Variants in MYOT observed in about 807,000 individuals in gnomAD.
The protein encoded by MYOT is 57 kDa cytoskeletal protein.
Under a neutral mutation model 58.0 loss-of-function variants are expected in MYOT, and 36 were observed. The ratio of observed to expected loss-of-function variants is 0.62; its 90% CI spans 0.48 to 0.82. MYOT has a LOEUF of 0.82. Ranked by LOEUF, MYOT falls within the 40% of genes least tolerant of loss-of-function variation. The probability of loss-of-function intolerance (pLI) is 0.00; values close to 1 mark genes in which losing one functional copy is unlikely to be tolerated. For synonymous variants in MYOT, 218 were observed against 204.6 expected (o/e 1.07, Z -0.56); for missense variants, 505 against 592.1 (o/e 0.85, Z 1.53).
chr5:137,887,284 C>A lies in MYOT; in HGVS notation c.1396C>A (p.Leu466Ile). Reference protein sequence around the residue: ...VRPTFSKYLALNGKGLNVKQA... With the variant: ...VRPTFSKYLAINGKGLNVKQA... ...ACCAACATTCAGCAAATATTTAGCA[C>A]TTAATGGGAAAGGTTTGAATGTAAA... Residue 466 changes from leucine (L) to isoleucine (I), a missense_variant, in exon 10 of 10, where the codon CTT (leucine) becomes ATT (isoleucine). Coordinates refer to ENST00000239926, the MANE Select transcript of MYOT (RefSeq NM_006790.3). The A allele has an allele frequency of 6.2e-7, 1 of 1,613,978 alleles. No individual in the cohort carries two copies. The highest frequency in any genetic ancestry group is 8.5e-7 in the Non-Finnish European group (1 of 1,179,966).
rs763905230 is a variant in MYOT at position 137,887,554 on chromosome 5, G to C, written c.*169G>C. 2.6e-6 allele frequency: 1 copy of C among 385,130 alleles called. No homozygotes were observed. The highest frequency in any genetic ancestry group is 4.1e-6 in the Non-Finnish European group (1 of 242,564). The allele number at this position is 385,130 out of a possible 1,614,324, so 23.9% of individuals were successfully genotyped here. A position where few individuals can be genotyped will look rare whatever the true frequency, so the allele number is the denominator to read the frequency against. On this transcript the variant is annotated 3_prime_UTR_variant, in exon 10 of 10. Transcript: ENST00000239926. ...ATCCTTTGACTCTTGCACATTCTAT[G>C]TACCCCTCCGATTTGTGAAGCCTAC... is the stretch of plus-strand genomic sequence containing the variant.
chr5:137,881,856 T>C (rs990802246), intron 5 of MYOT, 117 bp from the exon 6 acceptor site: 2 of 1,086,188 alleles, frequency 1.8e-6, no homozygotes, highest in South Asian at 1.3e-5. Flanking sequence ...TACTCCAGCC[T>C]GGGCAACAAG....
At position 137,870,685 on chromosome 5, in the gene MYOT, C is replaced by G. The variant is rs886044376; in HGVS notation, c.34C>G (p.Gln12Glu). The G allele has an allele frequency of 6.2e-7, 1 of 1,614,112 alleles. No individual in the cohort carries two copies. The highest frequency in any genetic ancestry group is 2.2e-5 in the East Asian group (1 of 44,902). ...FNYERPKHFIQSQNPCGSRLQ... is the reference protein window; with the variant it reads ...FNYERPKHFIESQNPCGSRLQ... ...CTACGAACGTCCAAAACACTTCATCCAGTCCCAAAACCCATGTGGCTCCAG... is the reference window on the plus strand; with the variant it reads ...CTACGAACGTCCAAAACACTTCATCGAGTCCCAAAACCCATGTGGCTCCAG... Residue 12 changes from glutamine (Q) to glutamate (E), a missense_variant, in exon 2 of 10, where the codon CAG becomes GAG. Transcript: ENST00000239926.
At chr5:137,871,502 C>G (rs1419147271) in intron 2 of MYOT, among the ~76,000 whole-genome samples, 1 of 152,120 alleles carries the variant, frequency 6.6e-6, no homozygotes, top group African/African-American at 2.4e-5. Flanking sequence ...TGAATATCCA[C>G]TTGGCTGAAA....
intron 2 of MYOT, among the ~76,000 whole-genome samples, chr5:137,872,895 G>C (rs371846744): frequency 9.9e-5 from 15 of 152,132 alleles, no homozygotes; most frequent in African/African-American, 3.6e-4. Context: ...CAATTTTCTG[G>C]TCTGTAGCAA....
At chr5:137,870,059 C>T (rs1272690195) in intron 1 of MYOT, among the ~76,000 whole-genome samples, 1 of 144,136 alleles carries the variant, frequency 6.9e-6, no homozygotes, top group Non-Finnish European at 1.5e-5. Context: ...GGGGCTGAGG[C>T]GGGAGGATTG....
At chr5:137,886,572 G>T (rs952599554) in intron 8 of MYOT, 3 of 354,466 alleles carry the variant, frequency 8.5e-6, no homozygotes, top group Non-Finnish European at 1.0e-5. Flanking sequence ...GTAGGAGACA[G>T]ATAACGGAAC....
intron 7 of MYOT, among the ~76,000 whole-genome samples, chr5:137,884,396 CCTTAGA>C (rs1336998004): frequency 6.6e-6 from 1 of 152,098 alleles, no homozygotes; most frequent in African/African-American, 2.4e-5. Context: ...CAACTTTTAG[CCTTAGA>C]CTATGTCCTT....
intron 7 of MYOT, 47 bp from the exon 8 acceptor site, chr5:137,886,001 C>A: frequency 7.6e-7 from 1 of 1,318,112 alleles, no homozygotes. Flanking sequence ...GATTTAATAC[C>A]TTTTTTATAA....
At chr5:137,874,006 G>A (rs759676777) in intron 2 of MYOT, among the ~76,000 whole-genome samples, 34 of 152,226 alleles carry the variant, frequency 2.2e-4, no homozygotes, top group Middle Eastern at 3.4e-3. Context: ...TTTATACTTA[G>A]CTCACAAGTC....
chr5:137,870,433 T>A lies in MYOT; in HGVS notation c.-211-8T>A, dbSNP rs1193342532. 1.7e-6 allele frequency: 1 copy of A among 604,800 alleles called. No homozygotes were observed. The highest frequency in any genetic ancestry group is 2.9e-6 in the Non-Finnish European group (1 of 340,256). The allele number at this position is 604,800 out of a possible 1,614,324, so 37.5% of individuals were successfully genotyped here. ...AAATATTGTAACAATTATTTTCTCC[T>A]TTTGAAGGAACAATATTCTTCAAGA... On this transcript the variant is annotated splice_region_variant and splice_polypyrimidine_tract_variant and intron_variant, in intron 1 of 9. Transcript: ENST00000239926.
chr5:137,873,423 A>C (rs1439455025), intron 2 of MYOT, among the ~76,000 whole-genome samples: 2 of 151,952 alleles, frequency 1.3e-5, no homozygotes, highest in Admixed American at 1.3e-4. Flanking sequence ...AATCCCAGCT[A>C]CCTGGGAGGC....
At chr5:137,874,415 C>T (rs970955928) in intron 2 of MYOT, among the ~76,000 whole-genome samples, 1 of 152,000 alleles carries the variant, frequency 6.6e-6, no homozygotes, top group Non-Finnish European at 1.5e-5. Context: ...TGCAGTGAGC[C>T]GAGATCGCGC....
rs753419279 is a variant in MYOT at position 137,886,943 on chromosome 5, T to G, written c.1270T>G (p.Ser424Ala). Residue 424 changes from serine (S) to alanine (A), a missense_variant, in exon 9 of 10, where the codon TCA becomes GCA. Transcript: ENST00000239926. ...GAAAGATGCTGGGTGGTATACTGTG[T>G]CAGCAGTTAATGAAGCTGGAGTGAC... Reference protein sequence around the residue: ...NKKDAGWYTVSAVNEAGVTTC... With the variant: ...NKKDAGWYTVAAVNEAGVTTC... 1 of 1,612,088 alleles carries G rather than the reference T, an allele frequency of 6.2e-7. No individual in the cohort carries two copies. The highest frequency in any genetic ancestry group is 8.5e-7 in the Non-Finnish European group (1 of 1,178,130).
chr5:137,882,363 A>G (rs1409545398), intron 6 of MYOT, among the ~76,000 whole-genome samples: 1 of 152,194 alleles, frequency 6.6e-6, no homozygotes, highest in Non-Finnish European at 1.5e-5. Flanking sequence ...CCAAAAAATT[A>G]TGAGGATTAA....
chr5:137,881,603 G>A (rs948536468), intron 5 of MYOT, among the ~76,000 whole-genome samples: 1 of 152,046 alleles, frequency 6.6e-6, no homozygotes, highest in African/African-American at 2.4e-5. Flanking sequence ...AGCGGAGGTT[G>A]GTATAACTGA....
chr5:137,886,311 G>C, intron 8 of MYOT, 98 bp downstream of exon 8: 1 of 814,984 alleles, frequency 1.2e-6, no homozygotes, highest in Non-Finnish European at 1.9e-6. Flanking sequence ...ATCTCAATTT[G>C]TCTAGTTTTT....
rs2149989817 is a variant in MYOT, at chr5:137,886,098, A to G, written c.1075A>G (p.Lys359Glu). 1.2e-6 allele frequency: 2 copies of G among 1,610,796 alleles called. No homozygotes were observed. Among genetic ancestry groups the G allele is most frequent in the Non-Finnish European group, 1.7e-6 (2 of 1,177,314 alleles). ...PMFIYKPQSKKVLEGDSVKLE... is the reference protein window; with the variant it reads ...PMFIYKPQSKEVLEGDSVKLE... The stretch of plus-strand genomic sequence containing the variant: ...GTTTATCTACAAACCACAGAGCAAA[A>G]AAGTTTTAGAGGGAGATTCAGTGAA... Residue 359 changes from lysine to glutamate, a missense_variant, in exon 8 of 10, where the codon AAA becomes GAA. Lys to Glu is a moderately conservative substitution (Grantham distance 56, BLOSUM62 1). Coordinates refer to ENST00000239926, the MANE Select transcript of MYOT (RefSeq NM_006790.3).
Position 137,870,729 on chromosome 5 carries a change from A to G in MYOT, c.78A>G (p.Pro26=). The G allele has an allele frequency of 6.2e-7, 1 of 1,614,242 alleles. No individual in the cohort carries two copies. The highest frequency in any genetic ancestry group is 8.5e-7 in the Non-Finnish European group (1 of 1,180,038). Reference sequence around the variant, plus strand: ...GCTCCAGATTGCAGCCTCCTGGACCAGAAACCTCCAGCTTCTCTAGCCAGA... The same window carrying G: ...GCTCCAGATTGCAGCCTCCTGGACCGGAAACCTCCAGCTTCTCTAGCCAGA... The part of the protein sequence containing the change: ...PCGSRLQPPG[P]ETSSFSSQTK... The change falls in exon 2 of 10, where the codon CCA becomes CCG. Residue 26 remains proline, a synonymous_variant. Coordinates refer to ENST00000239926, the MANE Select transcript of MYOT (RefSeq NM_006790.3).
Sources: allele counts gnomAD v4.1 joint callset (sites outside exome capture counted in the v4.1 genomes callset), GRCh38; gene constraint gnomAD v4.1.1; transcripts MANE v1.5; gene names NCBI Gene and HGNC (gene_info 2026-07-23, HGNC 2026-07-21).